LRRC49: variants seen among roughly 807,000 people sequenced by gnomAD.
LRRC49 encodes leucine-rich repeat-containing protein 49.
Under a neutral mutation model 83.3 loss-of-function variants are expected in LRRC49, and 50 were observed. The ratio of observed to expected loss-of-function variants is 0.60; its 90% confidence interval spans 0.48 to 0.76. The LOEUF is 0.76. LRRC49 is among the 30% of genes least tolerant of loss of function. The pLI is 0.00. For synonymous variants in LRRC49, 286 were observed against 283.3 expected, an observed-to-expected ratio of 1.01 and a Z score of -0.10; for missense variants, 704 against 809.1, an observed-to-expected ratio of 0.87 and a Z score of 1.58.
intron 15 of LRRC49, chr15:71,048,710 T>G (rs2039930460): frequency 6.9e-5 from 30 of 434,632 alleles, no homozygotes; most frequent in South Asian, 4.5e-4. Context: ...GTGATGAAAT[T>G]GGGGCACAAT....
intron 2 of LRRC49, among the ~76,000 whole-genome samples, chr15:70,876,012 A>G (rs1370920502): frequency 6.6e-6 from 1 of 152,162 alleles, no homozygotes; most frequent in Non-Finnish European, 1.5e-5. Context: ...AGTTAATTCA[A>G]TTAATGGATA....
intron 5 of LRRC49, chr15:70,907,949 G>T (rs1199067270): frequency 8.8e-6 from 4 of 456,014 alleles, no homozygotes; most frequent in Admixed American, 2.3e-5. Context: ...GGCCTTCTAG[G>T]TCAACTGATG....
chr15:70,865,265 T>C (rs2032884865), intron 1 of LRRC49, among the ~76,000 whole-genome samples: 1 of 152,200 alleles, frequency 6.6e-6, no homozygotes, highest in Admixed American at 6.5e-5. Flanking sequence ...GAAATAATAA[T>C]AAAATGAACA....
chr15:70,932,983 C>T (rs1596035355), intron 7 of LRRC49, among the ~76,000 whole-genome samples: 1 of 152,162 alleles, frequency 6.6e-6, no homozygotes, highest in Non-Finnish European at 1.5e-5. Flanking sequence ...ACCCACCTCA[C>T]CTCCCAAATT....
intron 2 of LRRC49, among the ~76,000 whole-genome samples, chr15:70,873,395 C>T (rs528744888): frequency 6.6e-6 from 1 of 152,254 alleles, no homozygotes; most frequent in South Asian, 2.1e-4. Flanking sequence ...TTGCCTTTTC[C>T]TTAGGGAGTC....
intron 11 of LRRC49, among the ~76,000 whole-genome samples, chr15:70,989,850 G>A (rs11072245): frequency 0.29 from 44,548 of 152,048 alleles, 7,893 homozygotes; most frequent in Non-Finnish European, 0.39. Flanking sequence ...CCTTCTAACA[G>A]ACAGGACCCT....
intron 8 of LRRC49, among the ~76,000 whole-genome samples, chr15:70,956,890 T>G (rs1289666915): frequency 6.6e-6 from 1 of 152,206 alleles, no homozygotes; most frequent in Non-Finnish European, 1.5e-5. Context: ...GTAGCTGATG[T>G]GGGAGCAGTT....
intron 11 of LRRC49, among the ~76,000 whole-genome samples, chr15:71,002,887 C>A (rs1377356428): frequency 6.8e-6 from 1 of 147,926 alleles, no homozygotes; most frequent in East Asian, 2.0e-4. Flanking sequence ...GAGCTAGTCA[C>A]CCTGTCTTTT....
chr15:70,932,671 C>T (rs983456747), intron 7 of LRRC49, among the ~76,000 whole-genome samples: 3 of 151,586 alleles, frequency 2.0e-5, no homozygotes, highest in East Asian at 1.9e-4. Context: ...ATATTCCCCA[C>T]GTGATCAGAT....
chr15:70,904,024 AT>A (rs970116449), intron 4 of LRRC49, among the ~76,000 whole-genome samples: 20 of 148,766 alleles, frequency 1.3e-4, no homozygotes, highest in South Asian at 4.2e-4. Flanking sequence ...CTCAGGTTGA[AT>A]TTTTTTTTTT....
intron 2 of LRRC49, chr15:70,882,537 CT>C: frequency 8.7e-6 from 14 of 1,613,924 alleles, no homozygotes; most frequent in Non-Finnish European, 1.2e-5. Flanking sequence ...GTATCTGTTT[CT>C]GAATCACTGG....
intron 9 of LRRC49, among the ~76,000 whole-genome samples, chr15:70,971,181 C>CT (rs1215303689): frequency 2.0e-5 from 3 of 152,110 alleles, no homozygotes; most frequent in African/African-American, 4.8e-5. Context: ...TACATTGTGT[C>CT]TTTTTTCTCA....
At chr15:70,858,773 A>G in intron 1 of LRRC49, 7 of 1,103,630 alleles carry the variant, frequency 6.3e-6, no homozygotes, top group Non-Finnish European at 9.3e-6. Flanking sequence ...CCGGGCCTTC[A>G]GCAGCTGCTC....
intron 7 of LRRC49, 29 bp downstream of exon 7, chr15:70,919,222 C>G: frequency 6.5e-7 from 1 of 1,546,502 alleles, no homozygotes. Context: ...TTGATATGTA[C>G]TTTGTGGCTT....
intron 14 of LRRC49, among the ~76,000 whole-genome samples, chr15:71,035,071 T>C (rs1288436093): frequency 1.3e-5 from 2 of 152,088 alleles, no homozygotes; most frequent in Non-Finnish European, 2.9e-5. Flanking sequence ...GATCTATATG[T>C]TACTCATTTT....
chr15:71,021,201 T>C (rs1023207651), intron 14 of LRRC49, among the ~76,000 whole-genome samples: 1 of 152,198 alleles, frequency 6.6e-6, no homozygotes, highest in African/African-American at 2.4e-5. Context: ...TTTGTGGGGT[T>C]TAAAAATATA....
intron 3 of LRRC49, among the ~76,000 whole-genome samples, chr15:70,898,653 C>T (rs1227142615): frequency 6.6e-6 from 1 of 152,040 alleles, no homozygotes; most frequent in Admixed American, 6.6e-5. Context: ...TGTGGTGGCA[C>T]ATGCCTGTAG....
At chr15:70,949,117 A>G (rs2036118464) in intron 8 of LRRC49, among the ~76,000 whole-genome samples, 1 of 152,204 alleles carries the variant, frequency 6.6e-6, no homozygotes, top group Admixed American at 6.5e-5. Flanking sequence ...CATAGAGGCC[A>G]TTATTAACTT....
At chr15:71,015,558 A>G (rs2038800172) in intron 14 of LRRC49, among the ~76,000 whole-genome samples, 1 of 152,184 alleles carries the variant, frequency 6.6e-6, no homozygotes, top group Admixed American at 6.5e-5. Context: ...GGTTCCTAAC[A>G]GCCATGGACA....
Sources: allele counts gnomAD v4.1 joint callset (sites outside exome capture counted in the v4.1 genomes callset), GRCh38; gene constraint gnomAD v4.1.1; transcripts MANE v1.5; gene names NCBI Gene and HGNC (gene_info 2026-07-23, HGNC 2026-07-21).